CNIH3: variants seen among roughly 807,000 people sequenced by gnomAD.
CNIH3 encodes the protein cornichon family AMPA receptor auxiliary protein 3, also known as protein cornichon homolog 3.
CNIH3 carries 14 observed loss-of-function variants against 24.1 expected under a neutral mutation model. That is an observed-to-expected ratio of 0.58 (90% CI 0.38 to 0.91). The LOEUF is 0.91. Ranked by LOEUF, CNIH3 falls within the 40% of genes least tolerant of loss-of-function variation. The pLI, the probability that CNIH3 is intolerant of heterozygous loss-of-function variation, is 0.00. For synonymous variants in CNIH3, 68 were observed against 73.8 expected (o/e 0.92, Z 0.40); for missense variants, 178 against 196.8 (o/e 0.90, Z 0.57).
At chr1:224,697,990 C>T (rs1389362057) in intron 3 of CNIH3, among the ~76,000 whole-genome samples, 9 of 152,300 alleles carry the variant, frequency 5.9e-5, no homozygotes, top group South Asian at 2.1e-4. Flanking sequence ...CTTCTCCCCA[C>T]GGAAAAGCTG....
At chr1:224,661,550 A>G in intron 1 of CNIH3, 1 of 361,022 alleles carries the variant, frequency 2.8e-6, no homozygotes, top group Non-Finnish European at 5.3e-6. Flanking sequence ...TTTTCAAAGT[A>G]GGTAAATGGA....
intron 1 of CNIH3, among the ~76,000 whole-genome samples, chr1:224,485,422 G>T (rs1042020894): frequency 6.6e-6 from 1 of 151,992 alleles, no homozygotes; most frequent in Non-Finnish European, 1.5e-5. Flanking sequence ...TCCATTCCAG[G>T]TAGACTGCTA....
At chr1:224,476,391 A>G (rs143862390) in intron 1 of CNIH3, among the ~76,000 whole-genome samples, 1 of 152,390 alleles carries the variant, frequency 6.6e-6, no homozygotes, top group East Asian at 1.9e-4. Context: ...GTTTCAGGAT[A>G]CAAAATCATC....
At chr1:224,556,193 T>TA (rs1680133113) in intron 3 of CNIH3, among the ~76,000 whole-genome samples, 1 of 150,502 alleles carries the variant, frequency 6.6e-6, no homozygotes, top group African/African-American at 2.5e-5. Flanking sequence ...TTTTTTTTTT[T>TA]ATCACTTGTT....
intron 2 of CNIH3, among the ~76,000 whole-genome samples, chr1:224,534,058 C>T (rs1043244118): frequency 6.6e-6 from 1 of 152,046 alleles, no homozygotes; most frequent in Middle Eastern, 3.2e-3. Flanking sequence ...CCAGCTACTC[C>T]AGAGGCTGAG....
chr1:224,444,306 G>A (rs1675052745), intron 1 of CNIH3, among the ~76,000 whole-genome samples: 1 of 152,098 alleles, frequency 6.6e-6, no homozygotes, highest in African/African-American at 2.4e-5. Flanking sequence ...TCTTTTAACA[G>A]TTGGCTTGTA....
chr1:224,475,342 C>T (rs1328488926), intron 1 of CNIH3, among the ~76,000 whole-genome samples: 29 of 135,140 alleles, frequency 2.1e-4, no homozygotes, highest in African/African-American at 5.2e-4. Flanking sequence ...GGCGACAGAG[C>T]GAGACTCCAT....
At chr1:224,660,506 A>G (rs1171214532) in intron 1 of CNIH3, among the ~76,000 whole-genome samples, 1 of 148,658 alleles carries the variant, frequency 6.7e-6, no homozygotes, top group Non-Finnish European at 1.5e-5. Context: ...CACATTTTAT[A>G]TACAATTTTT....
intron 1 of CNIH3, among the ~76,000 whole-genome samples, chr1:224,503,868 C>A (rs1449171703): frequency 1.3e-5 from 2 of 152,236 alleles, no homozygotes; most frequent in Admixed American, 1.3e-4. Flanking sequence ...GCCACAGCAA[C>A]CACAGGCTCT....
intron 1 of CNIH3, among the ~76,000 whole-genome samples, chr1:224,501,612 G>A (rs1241099330): frequency 6.8e-6 from 1 of 146,220 alleles, no homozygotes; most frequent in Non-Finnish European, 1.5e-5. Context: ...ATGGAATCTC[G>A]CTCTGTCGCC....
chr1:224,463,788 T>TA (rs1676039386), intron 1 of CNIH3, among the ~76,000 whole-genome samples: 3 of 119,528 alleles, frequency 2.5e-5, no homozygotes, highest in African/African-American at 1.0e-4. Flanking sequence ...TTTTTTTTTT[T>TA]TTTTTTTTTT....
At position 224,703,243 on chromosome 1, in the gene CNIH3, G is replaced by GAGAA. The variant is rs1409275174; in HGVS notation, c.198+18402_198+18403insAAAG. The stretch of plus-strand genomic sequence containing the variant: ...GCATCCCACGTGGGCCTGCACTCAT[G>GAGAA]AGGGCAGAGGGCTGGCCAAGGTAGA... On this transcript the variant is annotated intron_variant, in intron 3 of 5. Coordinates refer to ENST00000272133, the MANE Select transcript of CNIH3 (RefSeq NM_152495.2). This position sits in a 1 kb window ranked among gnomAD's most constrained non-coding sequence, Gnocchi z 4.2. Among the ~76,000 whole-genome samples the GAGAA allele has an allele frequency of 6.6e-6, 1 of 152,184 alleles. No individual in the cohort carries two copies. Among genetic ancestry groups the GAGAA allele is most frequent in the Non-Finnish European group, 1.5e-5 (1 of 68,040 alleles).
intron 2 of CNIH3, among the ~76,000 whole-genome samples, chr1:224,534,543 C>G (rs1188366242): frequency 6.6e-6 from 1 of 152,156 alleles, no homozygotes; most frequent in Non-Finnish European, 1.5e-5. Context: ...CAGTTGCCAG[C>G]TTGGAACACC....
At chr1:224,573,325 A>G (rs1217105259) in intron 4 of CNIH3, among the ~76,000 whole-genome samples, 1 of 152,104 alleles carries the variant, frequency 6.6e-6, no homozygotes, top group Non-Finnish European at 1.5e-5. Flanking sequence ...GAGAGTATGT[A>G]GGAAGTGGGG....
chr1:224,473,132 A>G (rs967790243), intron 1 of CNIH3, among the ~76,000 whole-genome samples: 3 of 152,320 alleles, frequency 2.0e-5, no homozygotes, highest in Non-Finnish European at 2.9e-5. Context: ...GGTTTGGAAG[A>G]TATTATTTGC....
chr1:224,546,919 G>A, exon 3 of CNIH3: 17 of 985,124 alleles, frequency 1.7e-5, no homozygotes, highest in Non-Finnish European at 2.0e-5. Context: ...CATATTTTTA[G>A]TGACAAAGAC....
At chr1:224,484,996 T>C (rs1214583968) in intron 1 of CNIH3, among the ~76,000 whole-genome samples, 1 of 152,202 alleles carries the variant, frequency 6.6e-6, no homozygotes, top group Non-Finnish European at 1.5e-5. Flanking sequence ...GGGTCAGTTT[T>C]CCTGTTTCTT....
chr1:224,545,716 A>G (rs887390106), intron 2 of CNIH3, among the ~76,000 whole-genome samples: 1 of 152,228 alleles, frequency 6.6e-6, no homozygotes, highest in Admixed American at 6.5e-5. Flanking sequence ...GTGGCCTTGA[A>G]CAAAGTGTGA....
intron 3 of CNIH3, among the ~76,000 whole-genome samples, chr1:224,555,400 GTT>G (rs1363831701): frequency 6.6e-6 from 1 of 152,154 alleles, no homozygotes; most frequent in African/African-American, 2.4e-5. Flanking sequence ...GGATGACACT[GTT>G]TAAAGATTCT....
Sources: gnomAD v4.1 joint callset for allele counts (sites outside exome capture counted in the v4.1 genomes callset) on GRCh38, gnomAD v4.1.1 for gene constraint, Gnocchi (gnomAD v3.1) non-coding constraint, MANE v1.5 for transcripts, NCBI Gene and HGNC (gene_info 2026-07-23, HGNC 2026-07-21) for gene names.